Variants in IRAK1BP1 observed in about 807,000 individuals in gnomAD.
IRAK1BP1 encodes the protein interleukin-1 receptor-associated kinase 1-binding protein 1.
A neutral mutation model predicts 28.0 loss-of-function variants in IRAK1BP1; 24 were observed. The ratio of observed to expected loss-of-function variants is 0.86; its 90% CI spans 0.62 to 1.20. The LOEUF is 1.20. Among genes scored for constraint, IRAK1BP1 ranks in the 50% most tolerant of loss-of-function variants. The pLI, the probability that IRAK1BP1 is intolerant of heterozygous loss-of-function variation, is 0.00. For missense variants in IRAK1BP1, 336 were observed against 316.7 expected (o/e 1.06, Z -0.46); for synonymous variants, 131 against 116.3 (o/e 1.13, Z -0.81).
chr6:78,877,688 G>A lies in IRAK1BP1; in HGVS notation c.316-7690G>A, dbSNP rs537805394. On this transcript the variant is annotated intron_variant, in intron 1 of 3. Coordinates refer to ENST00000369940, the MANE Select transcript of IRAK1BP1 (RefSeq NM_001010844.4). The stretch of plus-strand genomic sequence containing the variant: ...CATGGAGCGTGAGCCGAAGCAGGGC[G>A]AGGCATCACCTTACCCGGGAAGTGC... Among the ~76,000 whole-genome samples, 9 of 152,330 alleles carry A rather than the reference G, an allele frequency of 5.9e-5. No individual in the cohort carries two copies. The South Asian group carries it at 6.2e-4, about 11-fold the overall frequency.
the IRAK1BP1 span, chr6:78,969,800 A>T: frequency 9.7e-7 from 1 of 1,032,452 alleles, no homozygotes; most frequent in Non-Finnish European, 1.4e-6. Flanking sequence ...AAAAAACCAC[A>T]TCAAACATCG....
the IRAK1BP1 span, chr6:78,978,722 T>G: frequency 6.3e-7 from 1 of 1,589,762 alleles, no homozygotes; most frequent in African/African-American, 1.3e-5. Flanking sequence ...CTGACAAAAT[T>G]TAAGTAATAA....
the IRAK1BP1 span, among the ~76,000 whole-genome samples, chr6:78,970,380 A>C: frequency 1.3e-5 from 2 of 152,100 alleles, no homozygotes; most frequent in South Asian, 2.1e-4. Flanking sequence ...AACGTAAAAA[A>C]GGAAAAAAAA....
chr6:78,958,376 T>G, the IRAK1BP1 span: 1 of 791,428 alleles, frequency 1.3e-6, no homozygotes. Flanking sequence ...TACTCTTAAA[T>G]GTTTCTTCTT....
the IRAK1BP1 span, among the ~76,000 whole-genome samples, chr6:78,966,833 A>G: frequency 6.6e-6 from 1 of 152,202 alleles, no homozygotes; most frequent in Non-Finnish European, 1.5e-5. Context: ...ACAGTACTTG[A>G]GTTTTCTCGT....
chr6:78,967,984 A>C, the IRAK1BP1 span, among the ~76,000 whole-genome samples: 1 of 151,970 alleles, frequency 6.6e-6, no homozygotes, highest in Non-Finnish European at 1.5e-5. Flanking sequence ...AATACAAAAA[A>C]AAAATTAGCC....
intron 4 of IRAK1BP1, among the ~76,000 whole-genome samples, chr6:78,934,755 G>A (rs1773202448): frequency 6.6e-6 from 1 of 152,164 alleles, no homozygotes; most frequent in Non-Finnish European, 1.5e-5. Flanking sequence ...CTTTACAGAT[G>A]AGGAAAATGA....
intron 1 of IRAK1BP1, among the ~76,000 whole-genome samples, chr6:78,878,716 A>T (rs938632885): frequency 6.6e-6 from 1 of 152,224 alleles, no homozygotes; most frequent in African/African-American, 2.4e-5. Flanking sequence ...CTAAAAGAGG[A>T]TGTTCAGACC....
At chr6:78,892,323 A>G (rs970949694) in intron 2 of IRAK1BP1, among the ~76,000 whole-genome samples, 12 of 152,172 alleles carry the variant, frequency 7.9e-5, no homozygotes, top group Non-Finnish European at 1.5e-4. Flanking sequence ...ATTCTAGAAT[A>G]TTTATTTCTA....
the IRAK1BP1 span, among the ~76,000 whole-genome samples, chr6:78,973,121 C>G: frequency 1.3e-5 from 2 of 152,014 alleles, no homozygotes; most frequent in African/African-American, 2.4e-5. Context: ...TAAGGGCAGC[C>G]AGAGAGAAAG....
intron 4 of IRAK1BP1, among the ~76,000 whole-genome samples, chr6:78,915,147 A>G (rs1243565621): frequency 6.6e-6 from 1 of 152,156 alleles, no homozygotes; most frequent in Non-Finnish European, 1.5e-5. Flanking sequence ...TAACCTAGGT[A>G]TTATAAGCAG....
At chr6:78,936,670 T>C (rs1235449781) in intron 4 of IRAK1BP1, 1 of 151,896 alleles carries the variant, frequency 6.6e-6, no homozygotes, top group Admixed American at 6.6e-5. Flanking sequence ...TATCTATTTA[T>C]AGCTCATATT....
the IRAK1BP1 span, among the ~76,000 whole-genome samples, chr6:78,977,741 C>T: frequency 6.6e-6 from 1 of 152,138 alleles, no homozygotes; most frequent in Non-Finnish European, 1.5e-5. Context: ...TATCACTGTA[C>T]TATATCACAA....
rs115526733 is a variant in IRAK1BP1, at chr6:78,918,342, G to A, written c.*67+15232G>A. Among the ~76,000 whole-genome samples the A allele has an allele frequency of 2.0e-3, 311 of 151,876 alleles. 2 individuals carry two copies. The highest frequency in any genetic ancestry group is 6.7e-3 in the African/African-American group (278 of 41,422). On this transcript the variant is annotated intron_variant and NMD_transcript_variant, in intron 4 of 4. Transcript: ENST00000606868. ...ATATCAATATTAACCCAGTATACAC[G>A]TATCAATATTAACCCTGAATGCAAA...
At chr6:78,903,741 G>C (rs181017762), downstream of IRAK1BP1, among the ~76,000 whole-genome samples, 434 of 151,824 alleles carry the variant, frequency 2.9e-3, 2 homozygotes, top group Non-Finnish European at 5.2e-3. Flanking sequence ...GTGTGGGACT[G>C]TATGTCCATT....
At chr6:78,892,794 T>C (rs1459017224) in intron 2 of IRAK1BP1, among the ~76,000 whole-genome samples, 1 of 152,244 alleles carries the variant, frequency 6.6e-6, no homozygotes, top group Non-Finnish European at 1.5e-5. Context: ...ATACACTGAA[T>C]AGGATTAACA....
intron 4 of IRAK1BP1, among the ~76,000 whole-genome samples, chr6:78,917,632 T>TAAAAAAA (rs35313944): frequency 3.8e-4 from 24 of 63,546 alleles, no homozygotes; most frequent in East Asian, 9.2e-4. Context: ...AAGTCAACAC[T>TAAAAAAA]AAAAAAAAAA....
At chr6:78,880,108 A>C (rs1225085809) in intron 1 of IRAK1BP1, among the ~76,000 whole-genome samples, 1 of 152,216 alleles carries the variant, frequency 6.6e-6, no homozygotes, top group Admixed American at 6.5e-5. Context: ...ACAGTAAAAC[A>C]CAAAACTTCT....
At chr6:78,917,997 C>T (rs1444876419) in intron 4 of IRAK1BP1, among the ~76,000 whole-genome samples, 2 of 152,272 alleles carry the variant, frequency 1.3e-5, no homozygotes, top group Non-Finnish European at 2.9e-5. Flanking sequence ...ACAACCACAC[C>T]TAAGTACATA....
Sources: allele counts gnomAD v4.1 joint callset (sites outside exome capture counted in the v4.1 genomes callset), GRCh38; gene constraint gnomAD v4.1.1; transcripts MANE v1.5; gene names NCBI Gene and HGNC (gene_info 2026-07-23, HGNC 2026-07-21).